Variants in NOTCH2 observed in about 807,000 individuals in gnomAD.
NOTCH2 encodes the protein notch receptor 2.
Under a neutral mutation model 235.8 loss-of-function variants are expected in NOTCH2, and 29 were observed. The observed-to-expected ratio is 0.12, with a 90% CI of 0.09 to 0.17. The LOEUF (loss-of-function observed/expected upper bound fraction) is 0.17. Among genes scored for constraint, NOTCH2 ranks in the 10% least tolerant of loss-of-function variants. NOTCH2 has a pLI of 1.00. For synonymous variants in NOTCH2, 1,086 were observed against 1,141.5 expected, an observed-to-expected ratio of 0.95 and a Z score of 0.98; for missense variants, 2,285 against 3,150.2, an observed-to-expected ratio of 0.73 and a Z score of 6.57.
intron 24 of NOTCH2, 33 bp from the exon 25 acceptor site, chr1:119,925,843 T>TTG: frequency 6.2e-7 from 1 of 1,612,962 alleles, no homozygotes; most frequent in Non-Finnish European, 8.5e-7. Context: ...AAAAATGGCA[T>TTG]TGGTAGGAAA....
intron 3 of NOTCH2, among the ~76,000 whole-genome samples, chr1:120,004,733 T>C (rs1212044888): frequency 4.6e-5 from 7 of 152,166 alleles, no homozygotes; most frequent in Admixed American, 4.6e-4. Context: ...ACAGTGTACT[T>C]ATTTCTTTTA....
chr1:120,046,055 T>C (rs1284594350), intron 1 of NOTCH2, among the ~76,000 whole-genome samples: 1 of 151,376 alleles, frequency 6.6e-6, no homozygotes, highest in Non-Finnish European at 1.5e-5. Flanking sequence ...GAAGCGTTCA[T>C]GCTTTAAAAA....
chr1:120,002,866 A>T (rs1418945243), intron 3 of NOTCH2, among the ~76,000 whole-genome samples: 2 of 149,108 alleles, frequency 1.3e-5, no homozygotes, highest in Non-Finnish European at 2.9e-5. Flanking sequence ...GAATAGTTGT[A>T]CTACATCAGG....
chr1:120,067,431 A>G (rs1267591001), intron 1 of NOTCH2, among the ~76,000 whole-genome samples: 1 of 152,172 alleles, frequency 6.6e-6, no homozygotes, highest in East Asian at 1.9e-4. Flanking sequence ...CTGAGATCCT[A>G]TAATAAAAGA....
At chr1:120,013,938 G>A (rs587655610) in intron 2 of NOTCH2, among the ~76,000 whole-genome samples, 10 of 151,586 alleles carry the variant, frequency 6.6e-5, no homozygotes, top group African/African-American at 2.4e-4. Flanking sequence ...AAGCTACCCA[G>A]CACACATTTT....
chr1:119,984,806 G>A (rs2101179713), intron 5 of NOTCH2, among the ~76,000 whole-genome samples: 1 of 152,198 alleles, frequency 6.6e-6, no homozygotes, highest in South Asian at 2.1e-4. Context: ...ATACAAACGT[G>A]GTAAGTGTTA....
At chr1:119,941,851 C>A in intron 17 of NOTCH2, 97 bp from the exon 18 acceptor site, 2 of 941,720 alleles carry the variant, frequency 2.1e-6, no homozygotes, top group Admixed American at 4.1e-5. Flanking sequence ...ATGCTGGGGG[C>A]AGCATAATTC....
intron 22 of NOTCH2, among the ~76,000 whole-genome samples, chr1:119,932,000 G>GTATATATACATATA (rs1557809700): frequency 7.0e-6 from 1 of 143,578 alleles, no homozygotes; most frequent in Non-Finnish European, 1.5e-5. Flanking sequence ...ATATATATAT[G>GTATATATACATATA]TATATATACA....
chr1:119,986,369 C>G (rs587698176), intron 5 of NOTCH2, among the ~76,000 whole-genome samples: 72 of 152,226 alleles, frequency 4.7e-4, no homozygotes, highest in African/African-American at 1.5e-3. Context: ...TAAAATTAAG[C>G]AAGACTACCC....
At chr1:120,007,712 A>G (rs1653037147) in intron 2 of NOTCH2, among the ~76,000 whole-genome samples, 1 of 152,148 alleles carries the variant, frequency 6.6e-6, no homozygotes, top group African/African-American at 2.4e-5. Flanking sequence ...AGTTTTGCCA[A>G]GTGAAAACAT....
chr1:119,950,690 C>T lies in NOTCH2; in HGVS notation c.2479+34G>A, dbSNP rs368529597. On this transcript the variant is annotated intron_variant, in intron 15 of 33. Transcript: ENST00000256646. ...CACTGACAAAGCAAGGTCAAGTATC[C>T]CCTCTGGTCCCTGCTGGTACCTCCA... The T allele has an allele frequency of 8.3e-4, 1,114 of 1,342,260 alleles. 10 individuals are homozygous for T. The highest frequency in any genetic ancestry group is 5.0e-3 in the South Asian group (427 of 85,602). 83.1% of individuals were successfully genotyped at this position (1,342,260 alleles called of 1,614,324 possible). A position where few individuals can be genotyped will look rare whatever the true frequency, so the allele number is the denominator to read the frequency against.
chr1:119,928,414 G>A (rs587757937), intron 23 of NOTCH2, among the ~76,000 whole-genome samples: 1 of 152,302 alleles, frequency 6.6e-6, no homozygotes, highest in South Asian at 2.1e-4. Flanking sequence ...TGAGTCCTAG[G>A]GGTGGAAAGA....
chr1:119,981,802 CA>C (rs1231573457), intron 5 of NOTCH2, among the ~76,000 whole-genome samples: 1 of 152,124 alleles, frequency 6.6e-6, no homozygotes, highest in Non-Finnish European at 1.5e-5. Flanking sequence ...TTCTCACAAT[CA>C]GGCTTACAGC....
chr1:119,922,917 C>T lies in NOTCH2; in HGVS notation c.4860-139G>A, dbSNP rs1281796510. 6.1e-6 allele frequency: 6 copies of T among 986,398 alleles called. No homozygotes were observed. The African/African-American group carries it at 7.9e-5, about 13-fold the overall frequency. The allele number at this position is 986,398 out of a possible 1,614,324, so 61.1% of individuals were successfully genotyped here. ...GCATCAGGTCCCCACCTCTGGGATG[C>T]TGCCTTAAGACATATCTCAGGAATT... On this transcript the variant is annotated intron_variant, in intron 26 of 33. Coordinates refer to ENST00000256646, the MANE Select transcript of NOTCH2 (RefSeq NM_024408.4).
intron 5 of NOTCH2, among the ~76,000 whole-genome samples, chr1:119,978,247 GA>G (rs1403856417): frequency 1.3e-5 from 2 of 151,912 alleles, no homozygotes; most frequent in Non-Finnish European, 2.9e-5. Flanking sequence ...TTGCGGCAAT[GA>G]AAAAAAATTC....
chr1:120,034,336 A>C (rs1229127425), intron 1 of NOTCH2, among the ~76,000 whole-genome samples: 1 of 78,476 alleles, frequency 1.3e-5, no homozygotes, highest in Non-Finnish European at 2.1e-5. Context: ...CTACTCCACC[A>C]AAAAAAAAAA....
chr1:120,041,071 A>AAAATATAT (rs1557859547), intron 1 of NOTCH2, among the ~76,000 whole-genome samples: 2 of 77,372 alleles, frequency 2.6e-5, no homozygotes, highest in African/African-American at 1.5e-4. Flanking sequence ...AAAAAAAAAA[A>AAAATATAT]ATATATATAT....
chr1:120,069,360 C>G lies in NOTCH2; in HGVS notation c.47G>C (p.Trp16Ser). The G allele has an allele frequency of 6.4e-7, 1 of 1,572,106 alleles. No individual in the cohort carries two copies. The highest frequency in any genetic ancestry group is 1.7e-5 in the Admixed American group (1 of 57,676). The change falls in exon 1 of 34, where the codon TGG becomes TCG. Residue 16 changes from tryptophan to serine, a missense_variant. By Grantham distance (177) the Trp-to-Ser change is radical (BLOSUM62 -3). Coordinates refer to ENST00000256646, the MANE Select transcript of NOTCH2 (RefSeq NM_024408.4). The part of the protein sequence containing the change: ...PALLWALLAL[W>S]LCCAAPAHAL... ...ATGCGCGGGGGCCGCGCAGCACAGC[C>G]AGAGCGCCAGCAGCGCCCACAGCAG...
intron 1 of NOTCH2, among the ~76,000 whole-genome samples, chr1:120,053,693 A>G (rs1164049): frequency 9.5e-5 from 13 of 136,544 alleles, no homozygotes; most frequent in South Asian, 2.4e-4. Flanking sequence ...AGAGCCTAAA[A>G]GGAGTCATTA....
Sources: gnomAD v4.1 joint callset for allele counts (sites outside exome capture counted in the v4.1 genomes callset) on GRCh38, gnomAD v4.1.1 for gene constraint, MANE v1.5 for transcripts, NCBI Gene and HGNC (gene_info 2026-07-23, HGNC 2026-07-21) for gene names.